The following LARGE1 variants were observed in gnomAD, a reference collection of about 807,000 sequenced individuals.
LARGE1 encodes LARGE xylosyl- and glucuronyltransferase 1.
A neutral mutation model predicts 87.6 loss-of-function variants in LARGE1; 43 were observed. The observed-to-expected ratio is 0.49, with a 90% CI of 0.38 to 0.63. The LOEUF is 0.63. LARGE1 is among the 30% of genes least tolerant of loss of function. LARGE1 has a pLI of 0.00. For synonymous variants in LARGE1, 434 were observed against 394.6 expected, an observed-to-expected ratio of 1.10 and a Z score of -1.18; for missense variants, 802 against 1,000.2, an observed-to-expected ratio of 0.80 and a Z score of 2.67.
intron 1 of LARGE1, among the ~76,000 whole-genome samples, chr22:33,886,975 C>T (rs182229287): frequency 2.0e-4 from 30 of 152,196 alleles, no homozygotes; most frequent in Non-Finnish European, 2.8e-4. Flanking sequence ...TTTACAAATA[C>T]AGAAGGCAAG....
At chr22:33,890,703 T>G (rs1316458930) in intron 1 of LARGE1, among the ~76,000 whole-genome samples, 1 of 147,864 alleles carries the variant, frequency 6.8e-6, no homozygotes, top group Non-Finnish European at 1.5e-5. Context: ...TCAGATCTAT[T>G]CAAAAGGACC....
At chr22:33,251,507 T>A (rs1268309892) in intron 11 of LARGE1, among the ~76,000 whole-genome samples, 1 of 152,142 alleles carries the variant, frequency 6.6e-6, no homozygotes, top group African/African-American at 2.4e-5. Context: ...TCCTGTGACA[T>A]GATGGATATA....
chr22:33,737,442 A>C (rs2083695593), intron 2 of LARGE1: 1 of 152,332 alleles, frequency 6.6e-6, no homozygotes, highest in East Asian at 1.9e-4. Flanking sequence ...ACATTTAGTC[A>C]TAACAAGCGT....
chr22:33,572,283 A>G (rs1216269627), intron 5 of LARGE1: 1 of 945,264 alleles, frequency 1.1e-6, no homozygotes, highest in African/African-American at 1.7e-5. Context: ...CTTGGCAACC[A>G]ACCTATATGT....
intron 2 of LARGE1, among the ~76,000 whole-genome samples, chr22:33,719,881 T>C (rs2083041331): frequency 6.6e-6 from 1 of 152,080 alleles, no homozygotes; most frequent in African/African-American, 2.4e-5. Flanking sequence ...CTTACCATTG[T>C]GTTACAATTG....
In LARGE1 at chr22:33,875,873, A is replaced by G. The variant is rs1323471461; in HGVS notation, c.-83+44122T>C. Among the ~76,000 whole-genome samples, 3 of 152,188 alleles carry G rather than the reference A, an allele frequency of 2.0e-5. No individual in the cohort carries two copies. The East Asian group carries it at 5.8e-4, about 29-fold the overall frequency. ...CTAGCCAGGTCACTTCTGGTAGGTG[A>G]GGTGCAGCCTTCAGTGCCCGGGGGC... On this transcript the variant is annotated intron_variant, in intron 1 of 14. Transcript: ENST00000397394.
At chr22:33,703,642 T>A (rs2149378265) in intron 2 of LARGE1, among the ~76,000 whole-genome samples, 1 of 152,272 alleles carries the variant, frequency 6.6e-6, no homozygotes, top group East Asian at 1.9e-4. Flanking sequence ...AGTGGTGTGA[T>A]TCATTTTGTG....
At chr22:33,492,821 G>A (rs1394226669) in intron 6 of LARGE1, among the ~76,000 whole-genome samples, 1 of 152,044 alleles carries the variant, frequency 6.6e-6, no homozygotes, top group East Asian at 1.9e-4. Flanking sequence ...CATATGAAAG[G>A]ACGTCCTGTC....
At chr22:33,519,251 T>TGTGTGA (rs1172394582) in intron 6 of LARGE1, among the ~76,000 whole-genome samples, 1 of 151,870 alleles carries the variant, frequency 6.6e-6, no homozygotes, top group African/African-American at 2.4e-5. Flanking sequence ...TGTGTGTGTG[T>TGTGTGA]GTGTGTGGTC....
At chr22:33,294,109 CT>C (rs1185213432) in intron 12 of LARGE1, among the ~76,000 whole-genome samples, 1 of 152,262 alleles carries the variant, frequency 6.6e-6, no homozygotes. Context: ...CTTGTGGCCC[CT>C]ACTCCTCGGG....
intron 5 of LARGE1, among the ~76,000 whole-genome samples, chr22:33,599,336 C>T (rs777690737): frequency 5.3e-5 from 8 of 152,100 alleles, no homozygotes; most frequent in East Asian, 1.9e-4. Context: ...AGTGACAGCA[C>T]GCATCATTGA....
chr22:33,722,151 T>A (rs171198), intron 2 of LARGE1, among the ~76,000 whole-genome samples: 3 of 150,614 alleles, frequency 2.0e-5, no homozygotes, highest in South Asian at 2.2e-4. Context: ...TACTCGGGAC[T>A]CTGAGGCAGG....
At chr22:33,912,955 C>T (rs745771227) in intron 1 of LARGE1, among the ~76,000 whole-genome samples, 36 of 151,988 alleles carry the variant, frequency 2.4e-4, no homozygotes, top group Non-Finnish European at 3.2e-4. Context: ...CTCAGCCTCC[C>T]GAGTAGCTGG....
At chr22:33,867,509 C>T (rs1452423463) in intron 1 of LARGE1, among the ~76,000 whole-genome samples, 1 of 152,152 alleles carries the variant, frequency 6.6e-6, no homozygotes, top group African/African-American at 2.4e-5. Flanking sequence ...GAGCAACGTG[C>T]CTTCTAGCGC....
intron 1 of LARGE1, among the ~76,000 whole-genome samples, chr22:33,903,522 G>A (rs1437396110): frequency 2.0e-5 from 3 of 151,990 alleles, no homozygotes; most frequent in East Asian, 1.9e-4. Context: ...ATTCTTCACC[G>A]TGTCCTTAAA....
chr22:33,616,373 A>G, intron 4 of LARGE1, among the ~76,000 whole-genome samples: 1 of 152,006 alleles, frequency 6.6e-6, no homozygotes, highest in East Asian at 1.9e-4. Context: ...AAATTTAAAA[A>G]ATTAAAAAAT....
intron 1 of LARGE1, among the ~76,000 whole-genome samples, chr22:33,812,420 G>A (rs2086524070): frequency 6.6e-6 from 1 of 152,192 alleles, no homozygotes; most frequent in Non-Finnish European, 1.5e-5. Context: ...CCAGACACAT[G>A]CACAAGTGAT....
At chr22:33,739,863 G>A (rs1029593064) in intron 2 of LARGE1, among the ~76,000 whole-genome samples, 3 of 152,188 alleles carry the variant, frequency 2.0e-5, no homozygotes, top group Admixed American at 1.3e-4. Flanking sequence ...GGAGGCGGGG[G>A]ATGAGATGAG....
chr22:33,415,790 G>A (rs556966762), intron 7 of LARGE1, among the ~76,000 whole-genome samples: 2 of 152,300 alleles, frequency 1.3e-5, no homozygotes, highest in South Asian at 4.1e-4. Context: ...TCAGGGTCAA[G>A]ACATAAATGG....
Sources: allele counts gnomAD v4.1 joint callset (sites outside exome capture counted in the v4.1 genomes callset), GRCh38; gene constraint gnomAD v4.1.1; transcripts MANE v1.5; gene names NCBI Gene and HGNC (gene_info 2026-07-23, HGNC 2026-07-21).